SYNGR4: variants seen among roughly 807,000 people sequenced by gnomAD.
SYNGR4 encodes synaptogyrin 4.
Under a neutral mutation model 15.5 loss-of-function variants are expected in SYNGR4, and 15 were observed. The observed-to-expected ratio is 0.97, with a 90% confidence interval of 0.65 to 1.49. The LOEUF (loss-of-function observed/expected upper bound fraction) is 1.49, where lower values mean the gene tolerates loss of function less well. SYNGR4 is among the 40% of genes most tolerant of loss of function. The probability of loss-of-function intolerance (pLI) is 0.00; values close to 1 mark genes in which losing one functional copy is unlikely to be tolerated. For missense variants in SYNGR4, 292 were observed against 299.3 expected, an observed-to-expected ratio of 0.98 and a Z score of 0.18; for synonymous variants, 121 against 127.4, an observed-to-expected ratio of 0.95 and a Z score of 0.34.
chr19:48,374,762 G>A (rs574391803), intron 3 of SYNGR4, among the ~76,000 whole-genome samples: 2 of 152,250 alleles, frequency 1.3e-5, no homozygotes, highest in African/African-American at 4.8e-5. Flanking sequence ...GATAACTTGA[G>A]GCCAGAAGTT....
intron 3 of SYNGR4, among the ~76,000 whole-genome samples, 183 bp downstream of exon 3, chr19:48,373,937 G>C (rs112905674): frequency 2.6e-5 from 4 of 152,134 alleles, no homozygotes; most frequent in African/African-American, 9.7e-5. Context: ...GGCACCTGCT[G>C]TCTCCTCCTG....
chr19:48,375,209 A>G (rs1970382438), intron 3 of SYNGR4, among the ~76,000 whole-genome samples: 1 of 151,774 alleles, frequency 6.6e-6, no homozygotes, highest in Non-Finnish European at 1.5e-5. Context: ...TTTTTTCAGT[A>G]GAGACGGGGT....
intron 2 of SYNGR4, among the ~76,000 whole-genome samples, chr19:48,366,315 G>A (rs1390483834): frequency 2.0e-5 from 3 of 151,350 alleles, no homozygotes; most frequent in East Asian, 2.0e-4. Context: ...ACTCGAACCC[G>A]GGTGGTGGAG....
At chr19:48,368,646 T>A (rs777822467) in intron 2 of SYNGR4, among the ~76,000 whole-genome samples, 39 of 152,198 alleles carry the variant, frequency 2.6e-4, no homozygotes, top group South Asian at 8.3e-4. Context: ...TTCCAAAGTG[T>A]TGGGATTACA....
At chr19:48,368,453 T>C (rs995455106) in intron 2 of SYNGR4, among the ~76,000 whole-genome samples, 18 of 151,984 alleles carry the variant, frequency 1.2e-4, no homozygotes, top group African/African-American at 4.4e-4. Context: ...TGGTGCAGTC[T>C]CAGCTCACTG....
At position 48,373,380 on chromosome 19, in the gene SYNGR4, A is replaced by G. The variant is rs1002194103; in HGVS notation, c.94-137A>G. The G allele has an allele frequency of 5.4e-6, 4 of 746,532 alleles. No individual in the cohort carries two copies. The African/African-American group carries it at 6.9e-5, about 13-fold the overall frequency. 46.2% of individuals were successfully genotyped at this position (746,532 alleles called of 1,614,324 possible). A position where few individuals can be genotyped will look rare whatever the true frequency, so the allele number is the denominator to read the frequency against. ...GGGGCAGGAAGCTGAGGGCTCTGAC[A>G]CTGTGACAATGTCAAAGAGGGAGAG... On this transcript the variant is annotated intron_variant, in intron 2 of 4. Transcript: ENST00000344846.
rs750741932 is a variant in SYNGR4, at chr19:48,373,635, G to C, written c.212G>C (p.Gly71Ala). The stretch of plus-strand genomic sequence containing the variant: ...AGCGTGGCCTGCAGCTTTGCCGTGG[G>C]AGCCGGCTTCCTGGCCTTCCTCAGC... Reference protein sequence around the residue: ...SNSVACSFAVGAGFLAFLSCL... With the variant: ...SNSVACSFAVAAGFLAFLSCL... The change falls in exon 3 of 5, where the codon GGA becomes GCA. Residue 71 changes from glycine to alanine, a missense_variant. By Grantham distance (60) the Gly-to-Ala change is moderately conservative. Transcript: ENST00000344846. The C allele has an allele frequency of 6.2e-7, 1 of 1,613,812 alleles. No homozygotes were observed. Among genetic ancestry groups the C allele is most frequent in the Non-Finnish European group, 8.5e-7 (1 of 1,180,030 alleles).
intron 2 of SYNGR4, among the ~76,000 whole-genome samples, chr19:48,369,071 T>A (rs1021715458): frequency 6.6e-6 from 1 of 152,104 alleles, no homozygotes; most frequent in Non-Finnish European, 1.5e-5. Context: ...CCGCCAACCA[T>A]GCCAGACGTT....
chr19:48,373,640 G>A lies in SYNGR4; in HGVS notation c.217G>A (p.Gly73Ser), dbSNP rs151247557. 3.6e-4 allele frequency: 580 copies of A among 1,613,750 alleles called. 1 individual carries two copies. The highest frequency in any genetic ancestry group is 3.3e-3 in the African/African-American group (245 of 75,036). ...GGCCTGCAGCTTTGCCGTGGGAGCC[G>A]GCTTCCTGGCCTTCCTCAGCTGCCT... ...SVACSFAVGAGFLAFLSCLAF... is the reference protein window; with the variant it reads ...SVACSFAVGASFLAFLSCLAF... Residue 73 changes from glycine (G) to serine (S), a missense_variant, in exon 3 of 5, where the codon GGC (glycine) becomes AGC (serine). By Grantham distance (56) the Gly-to-Ser change is moderately conservative. Transcript: ENST00000344846.
chr19:48,372,576 G>A (rs1301235331), intron 2 of SYNGR4, among the ~76,000 whole-genome samples: 6 of 151,848 alleles, frequency 4.0e-5, no homozygotes, highest in South Asian at 2.1e-4. Flanking sequence ...CGTGAACCCC[G>A]GGGGCCGGAG....
chr19:48,366,595 G>A (rs1404768039), intron 2 of SYNGR4, among the ~76,000 whole-genome samples: 3 of 151,706 alleles, frequency 2.0e-5, no homozygotes, highest in Non-Finnish European at 4.4e-5. Flanking sequence ...TAGTAGAGAT[G>A]GGGTTTCGCC....
chr19:48,364,933 C>G (rs1192296073), intron 1 of SYNGR4, among the ~76,000 whole-genome samples: 1 of 151,830 alleles, frequency 6.6e-6, no homozygotes, highest in Non-Finnish European at 1.5e-5. Context: ...CACTCCACCT[C>G]TGGGATCCCT....
rs201049628 is a variant in SYNGR4, at chr19:48,373,552, C to T, written c.129C>T (p.Thr43=). Residue 43 remains threonine (T), a synonymous_variant, in exon 3 of 5, where the codon ACC becomes ACT. Transcript: ENST00000344846. ...FSLIVFSSLL[T]DGYQNKMESP... ...TGATCGTCTTCTCCTCCCTGCTGACCGACGGCTACCAGAACAAGATGGAGT... is the reference window on the plus strand; with the variant it reads ...TGATCGTCTTCTCCTCCCTGCTGACTGACGGCTACCAGAACAAGATGGAGT... 1.6e-5 allele frequency: 26 copies of T among 1,613,660 alleles called. No individual in the cohort carries two copies. The highest frequency in any genetic ancestry group is 1.3e-4 in the South Asian group (12 of 91,096).
intron 1 of SYNGR4, among the ~76,000 whole-genome samples, chr19:48,365,079 C>T (rs1378056083): frequency 6.6e-6 from 1 of 150,674 alleles, no homozygotes; most frequent in Non-Finnish European, 1.5e-5. Context: ...TCTCTGGAAT[C>T]CTCCATAGAC....
chr19:48,364,869 C>T (rs1000033332), intron 1 of SYNGR4, among the ~76,000 whole-genome samples: 6 of 151,950 alleles, frequency 3.9e-5, no homozygotes, highest in African/African-American at 1.5e-4. Context: ...CTCTGCAGGC[C>T]CTTCAGCTCC....
intron 3 of SYNGR4, among the ~76,000 whole-genome samples, chr19:48,374,730 C>G (rs1440594003): frequency 3.3e-5 from 5 of 152,168 alleles, no homozygotes; most frequent in Non-Finnish European, 7.3e-5. Context: ...AATCCCAGCA[C>G]TTTGGGAGGC....
At position 48,365,955 on chromosome 19, in the gene SYNGR4, CG is replaced by C; in HGVS notation, c.93+21del. Reference sequence around the variant, plus strand: ...GAAGGGGTGAGGCCCTCCCATGGCCCGACTGTGCCCCTGGGTGACAGGAGCC... The same window carrying C: ...GAAGGGGTGAGGCCCTCCCATGGCCCACTGTGCCCCTGGGTGACAGGAGCC... On this transcript the variant is annotated intron_variant, in intron 2 of 4. Transcript: ENST00000344846. The C allele has an allele frequency of 6.2e-7, 1 of 1,611,758 alleles. No homozygotes were observed. Among genetic ancestry groups the C allele is most frequent in the Non-Finnish European group, 8.5e-7 (1 of 1,179,082 alleles).
upstream of SYNGR4, chr19:48,364,342 G>A: frequency 6.7e-6 from 1 of 148,820 alleles, no homozygotes; most frequent in Non-Finnish European, 1.4e-5. Flanking sequence ...GAAAAGGCGG[G>A]AAAAAGCGGA....
intron 2 of SYNGR4, among the ~76,000 whole-genome samples, chr19:48,371,718 C>T (rs1044345183): frequency 5.9e-5 from 9 of 151,744 alleles, no homozygotes; most frequent in Non-Finnish European, 1.2e-4. Context: ...CTTGGGACTA[C>T]GGGTGCATGC....
Sources: gnomAD v4.1 joint callset for allele counts (sites outside exome capture counted in the v4.1 genomes callset) on GRCh38, gnomAD v4.1.1 for gene constraint, MANE v1.5 for transcripts, NCBI Gene and HGNC (gene_info 2026-07-23, HGNC 2026-07-21) for gene names.